The following ROR2 variants were observed in gnomAD, a reference collection of about 807,000 sequenced individuals.
The protein encoded by ROR2 is tyrosine-protein kinase transmembrane receptor ROR2.
Under a neutral mutation model 74.9 loss-of-function variants are expected in ROR2, and 33 were observed. The ratio of observed to expected loss-of-function variants is 0.44; its 90% confidence interval spans 0.33 to 0.59. The LOEUF (loss-of-function observed/expected upper bound fraction) is 0.59, where lower values mean the gene tolerates loss of function less well. Ranked by LOEUF, ROR2 falls within the 20% of genes least tolerant of loss-of-function variation. The pLI, the probability that ROR2 is intolerant of heterozygous loss-of-function variation, is 0.02. For synonymous variants in ROR2, 586 were observed against 558.7 expected (o/e 1.05, Z -0.69); for missense variants, 1,216 against 1,313.8 (o/e 0.93, Z 1.15).
intron 1 of ROR2, among the ~76,000 whole-genome samples, chr9:91,778,976 C>A (rs1010268475): frequency 6.6e-5 from 10 of 152,236 alleles, no homozygotes; most frequent in African/African-American, 2.4e-4. Flanking sequence ...CATTCAATAT[C>A]TAGTTTTATC....
chr9:91,803,127 A>G (rs930734028), intron 1 of ROR2, among the ~76,000 whole-genome samples: 1 of 152,238 alleles, frequency 6.6e-6, no homozygotes, highest in African/African-American at 2.4e-5. Context: ...AAAATGGTAC[A>G]GAAAAAAATT....
intron 1 of ROR2, among the ~76,000 whole-genome samples, chr9:91,826,825 C>A (rs1232413339): frequency 6.6e-6 from 1 of 151,744 alleles, no homozygotes; most frequent in Non-Finnish European, 1.5e-5. Context: ...AGAATGTGAT[C>A]TTTTGTAAAT....
intron 2 of ROR2, among the ~76,000 whole-genome samples, chr9:91,773,761 C>A (rs919773972): frequency 3.1e-4 from 47 of 152,216 alleles, no homozygotes; most frequent in Non-Finnish European, 3.5e-4. Context: ...CCCGCTTGAC[C>A]CAGGGCCCCC....
At chr9:91,780,738 A>T (rs1204973166) in intron 1 of ROR2, among the ~76,000 whole-genome samples, 1 of 152,076 alleles carries the variant, frequency 6.6e-6, no homozygotes, top group African/African-American at 2.4e-5. Context: ...TTGCAGTGAG[A>T]CAAGATGGTG....
chr9:91,727,150 C>G (rs947696025), intron 7 of ROR2, among the ~76,000 whole-genome samples: 1 of 152,188 alleles, frequency 6.6e-6, no homozygotes, highest in Non-Finnish European at 1.5e-5. Flanking sequence ...ACTGGAGACC[C>G]TTGTCCAAGG....
At chr9:91,773,660 T>G (rs536035315) in intron 2 of ROR2, among the ~76,000 whole-genome samples, 31 of 152,314 alleles carry the variant, frequency 2.0e-4, no homozygotes, top group Admixed American at 1.4e-3. Context: ...CTATTGAGAT[T>G]CATGGGTTCA....
At chr9:91,812,117 G>C (rs923742758) in intron 1 of ROR2, among the ~76,000 whole-genome samples, 1 of 151,936 alleles carries the variant, frequency 6.6e-6, no homozygotes, top group Non-Finnish European at 1.5e-5. Context: ...TTTGTGTTGG[G>C]CCACATTCAA....
chr9:91,795,671 C>G (rs1429530952), intron 1 of ROR2, among the ~76,000 whole-genome samples: 2 of 152,060 alleles, frequency 1.3e-5, no homozygotes, highest in Non-Finnish European at 2.9e-5. Context: ...TCCTTGAGGC[C>G]TTTTTATTTT....
chr9:91,937,930 C>T (rs908491658), intron 1 of ROR2, among the ~76,000 whole-genome samples: 1 of 152,180 alleles, frequency 6.6e-6, no homozygotes, highest in African/African-American at 2.4e-5. Context: ...GTTGCCCAGG[C>T]TGGTCTCCAA....
chr9:91,870,451 A>G (rs1245777636), intron 1 of ROR2, among the ~76,000 whole-genome samples: 2 of 152,230 alleles, frequency 1.3e-5, no homozygotes, highest in Non-Finnish European at 2.9e-5. Flanking sequence ...CAACTGCCCA[A>G]AAAGCCAGGG....
intron 1 of ROR2, among the ~76,000 whole-genome samples, chr9:91,800,354 A>AAAGAG (rs61357928): frequency 2.7e-5 from 4 of 149,390 alleles, no homozygotes; most frequent in African/African-American, 1.0e-4. Flanking sequence ...AAAAAAAAAA[A>AAAGAG]AGAGAGAGAG....
chr9:91,851,353 C>CAAAA (rs140560176), intron 1 of ROR2, among the ~76,000 whole-genome samples: 3 of 114,576 alleles, frequency 2.6e-5, no homozygotes, highest in Non-Finnish European at 5.9e-5. Flanking sequence ...GACTCCGTCT[C>CAAAA]AAAAAAAAAA....
intron 4 of ROR2, among the ~76,000 whole-genome samples, chr9:91,741,304 GTAATAATAATAATAATAATAA>G (rs149995684): frequency 7.4e-6 from 1 of 135,604 alleles, no homozygotes; most frequent in Non-Finnish European, 1.6e-5. Context: ...GTCTCAAGTA[GTAATAATAATAATAATAATAA>G]TAATAATAAT....
chr9:91,904,411 C>T (rs2252879), intron 1 of ROR2, among the ~76,000 whole-genome samples: 2,646 of 152,284 alleles, frequency 0.017, 51 homozygotes, highest in South Asian at 0.042. Context: ...TCCAGTCAGG[C>T]GGGCTCAGTC....
intron 1 of ROR2, among the ~76,000 whole-genome samples, chr9:91,900,341 C>A (rs1448600811): frequency 1.3e-5 from 2 of 152,230 alleles, no homozygotes; most frequent in African/African-American, 4.8e-5. Flanking sequence ...AGCTGCCTCC[C>A]GCACAAGATG....
At chr9:91,932,908 T>C (rs1214400479) in intron 1 of ROR2, among the ~76,000 whole-genome samples, 1 of 152,242 alleles carries the variant, frequency 6.6e-6, no homozygotes, top group Non-Finnish European at 1.5e-5. Flanking sequence ...TTTCCAATGT[T>C]GCTGGGCCTA....
chr9:91,840,596 T>G (rs1828753884), intron 1 of ROR2, among the ~76,000 whole-genome samples: 4 of 152,230 alleles, frequency 2.6e-5, no homozygotes, highest in Admixed American at 2.6e-4. Context: ...GAGCTGGCCA[T>G]GCTCCCTGGC....
intron 1 of ROR2, among the ~76,000 whole-genome samples, chr9:91,858,164 A>G (rs1459345102): frequency 6.6e-6 from 1 of 152,194 alleles, no homozygotes; most frequent in African/African-American, 2.4e-5. Flanking sequence ...CAGGACCCCG[A>G]GTTCCTACAG....
intron 1 of ROR2, among the ~76,000 whole-genome samples, chr9:91,932,536 T>C (rs935945288): frequency 4.2e-4 from 64 of 151,894 alleles, no homozygotes; most frequent in Non-Finnish European, 3.7e-4. Context: ...TGGTGGCGCA[T>C]GCCTCTAATC....
Sources: allele counts gnomAD v4.1 joint callset (sites outside exome capture counted in the v4.1 genomes callset), GRCh38; gene constraint gnomAD v4.1.1; transcripts MANE v1.5; gene names NCBI Gene and HGNC (gene_info 2026-07-23, HGNC 2026-07-21).